Variants in PRR14L observed in about 807,000 individuals in gnomAD.
PRR14L encodes proline rich 14 like.
PRR14L carries 80 observed loss-of-function variants against 155.0 expected under a neutral mutation model. That is an observed-to-expected ratio of 0.52 (90% CI 0.43 to 0.62). The LOEUF (loss-of-function observed/expected upper bound fraction) is 0.62, where lower values mean the gene tolerates loss of function less well. Ranked by LOEUF, PRR14L falls within the 20% of genes least tolerant of loss-of-function variation. The pLI is 0.00. For missense variants in PRR14L, 2,469 were observed against 2,548.0 expected (o/e 0.97, Z 0.67); for synonymous variants, 883 against 916.0 (o/e 0.96, Z 0.65).
chr22:31,728,545 G>A lies in PRR14L; in HGVS notation c.475-2935C>T, dbSNP rs552482588. ...GGAGAATGGCTTGAACCCAGGAGGCGGAGGTTGCAGTGAGCGGAGATCGCG... is the reference window on the plus strand; with the variant it reads ...GGAGAATGGCTTGAACCCAGGAGGCAGAGGTTGCAGTGAGCGGAGATCGCG... On this transcript the variant is annotated intron_variant, in intron 2 of 8. Coordinates refer to ENST00000327423, the MANE Select transcript of PRR14L (RefSeq NM_173566.3). 9.9e-5 allele frequency among the ~76,000 whole-genome samples: 15 copies of A among 151,616 alleles called. No individual in the cohort carries two copies. In the South Asian group the frequency reaches 2.1e-3, roughly 21 times the overall value.
intron 3 of PRR14L, among the ~76,000 whole-genome samples, chr22:31,724,460 G>A (rs907950972): frequency 6.6e-6 from 1 of 152,170 alleles, no homozygotes; most frequent in African/African-American, 2.4e-5. Context: ...GAGTACAGTG[G>A]TGTGATCACG....
chr22:31,730,819 T>C (rs2074745231), intron 2 of PRR14L, among the ~76,000 whole-genome samples: 1 of 152,244 alleles, frequency 6.6e-6, no homozygotes, highest in Admixed American at 6.5e-5. Flanking sequence ...ATTGGAATTC[T>C]GTAAGACCTT....
At chr22:31,733,416 C>T (rs1160401426) in intron 2 of PRR14L, among the ~76,000 whole-genome samples, 10 of 100,832 alleles carry the variant, frequency 9.9e-5, no homozygotes, top group Non-Finnish European at 1.6e-4. Context: ...GCGATTCTCC[C>T]GCCTCAGCCT....
rs552615151 is a variant in PRR14L at position 31,715,623 on chromosome 22, C to A, written c.2216G>T (p.Ser739Ile). ...NCPTLNIKPVSLERKKEMADS... is the reference protein window; with the variant it reads ...NCPTLNIKPVILERKKEMADS... ...AGCCATTTCCTTTTTTCTCTCTAGG[C>A]TTACTGGTTTGATGTTTAAGGTGGG... The change falls in exon 4 of 9, where the codon AGC (serine) becomes ATC (isoleucine). Residue 739 changes from serine (S) to isoleucine (I), a missense_variant. Physicochemically the swap from Ser to Ile is moderately radical, Grantham distance 142 (BLOSUM62 -2). This residue lies in a region of PRR14L where 2,363 missense variants were observed against 2,371.6 expected (regional missense o/e 1.00). Coordinates refer to ENST00000327423, the MANE Select transcript of PRR14L (RefSeq NM_173566.3). 2 of 1,552,066 alleles carry A rather than the reference C, an allele frequency of 1.3e-6. No individual in the cohort carries two copies. Among genetic ancestry groups the A allele is most frequent in the Admixed American group, 2.0e-5 (1 of 50,998 alleles).
intron 2 of PRR14L, among the ~76,000 whole-genome samples, chr22:31,736,257 A>T (rs1431846167): frequency 6.6e-6 from 1 of 151,382 alleles, no homozygotes; most frequent in Non-Finnish European, 1.5e-5. Context: ...GTGGAGGCAC[A>T]TGCCTGTAAT....
intron 7 of PRR14L, among the ~76,000 whole-genome samples, chr22:31,699,332 C>T (rs2074551551): frequency 6.6e-6 from 1 of 152,224 alleles, no homozygotes; most frequent in African/African-American, 2.4e-5. Context: ...GCCACTGCTC[C>T]TGGCCTCATG....
chr22:31,719,614 T>C (rs976211250), intron 3 of PRR14L, among the ~76,000 whole-genome samples: 1 of 152,140 alleles, frequency 6.6e-6, no homozygotes, highest in Non-Finnish European at 1.5e-5. Context: ...ACAAATGTTA[T>C]TAATACCAAG....
chr22:31,708,817 G>A (rs886182011), intron 4 of PRR14L, among the ~76,000 whole-genome samples: 12 of 151,906 alleles, frequency 7.9e-5, no homozygotes, highest in African/African-American at 2.2e-4. Flanking sequence ...GTAGAGATGG[G>A]ATTTATTTTT....
chr22:31,742,521 C>T (rs1343559738), intron 1 of PRR14L, among the ~76,000 whole-genome samples: 1 of 152,112 alleles, frequency 6.6e-6, no homozygotes, highest in Non-Finnish European at 1.5e-5. Context: ...CACATGCCAT[C>T]ACGCGTGGCT....
At chr22:31,718,748 C>T (rs916781557) in intron 3 of PRR14L, among the ~76,000 whole-genome samples, 1 of 148,698 alleles carries the variant, frequency 6.7e-6, no homozygotes, top group Non-Finnish European at 1.5e-5. Context: ...AACAGGACAA[C>T]TGTATTAAAC....
In PRR14L at chr22:31,749,743, A is replaced by C. The variant is rs531110342; in HGVS notation, c.-52+250T>G. ...GGGGATCCCTGTTGTATCGAGGTTG[A>C]AGAGGAGTCTCTCTCCCGCGTCGGA... On this transcript the variant is annotated intron_variant, in intron 1 of 8. Transcript: ENST00000327423. 3.0e-3 allele frequency among the ~76,000 whole-genome samples: 459 copies of C among 152,290 alleles called. 5 individuals carry two copies. Among genetic ancestry groups the C allele is most frequent in the Non-Finnish European group, 4.7e-3 (322 of 68,002 alleles).
intron 4 of PRR14L, among the ~76,000 whole-genome samples, chr22:31,709,503 C>T (rs556265665): frequency 3.3e-5 from 5 of 149,598 alleles, no homozygotes; most frequent in African/African-American, 1.2e-4. Flanking sequence ...GGATTACACA[C>T]GTGAGCTACT....
At chr22:31,741,586 G>C (rs187183347) in intron 1 of PRR14L, among the ~76,000 whole-genome samples, 56 of 152,248 alleles carry the variant, frequency 3.7e-4, no homozygotes, top group Non-Finnish European at 7.4e-4. Context: ...AAACAGTGCT[G>C]TAAGGCTGGG....
chr22:31,713,840 C>CA lies in PRR14L; in HGVS notation c.3998dup (p.Lys1334GlufsTer23). The CA allele has an allele frequency of 6.4e-7, 1 of 1,552,292 alleles. No individual in the cohort carries two copies. The highest frequency in any genetic ancestry group is 8.7e-7 in the Non-Finnish European group (1 of 1,147,106). ...GATGCTCTTCGGTTTCTTCTCCTTTCACTTTAATATCTGTTTTCACTGTCA... is the reference window on the plus strand; with the variant it reads ...GATGCTCTTCGGTTTCTTCTCCTTTCAACTTTAATATCTGTTTTCACTGTCA... On this transcript the variant is annotated frameshift_variant, in exon 4 of 9. Coordinates refer to ENST00000327423, the MANE Select transcript of PRR14L (RefSeq NM_173566.3). LOFTEE classifies it high-confidence loss of function.
intron 3 of PRR14L, among the ~76,000 whole-genome samples, chr22:31,722,647 C>T (rs912691628): frequency 6.6e-6 from 1 of 151,734 alleles, no homozygotes; most frequent in African/African-American, 2.4e-5. Flanking sequence ...CTCAGCCTCC[C>T]AAGTAGCTGG....
intron 8 of PRR14L, among the ~76,000 whole-genome samples, chr22:31,687,305 G>A (rs942987407): frequency 1.3e-5 from 2 of 150,992 alleles, no homozygotes; most frequent in African/African-American, 4.9e-5. Context: ...CAAAGTGCTT[G>A]AATTACAGGT....
chr22:31,711,243 T>C (rs567990355), intron 4 of PRR14L, among the ~76,000 whole-genome samples: 71 of 152,116 alleles, frequency 4.7e-4, no homozygotes, highest in Admixed American at 1.0e-3. Flanking sequence ...GGAGCCAAGG[T>C]GAGAGGATCA....
intron 1 of PRR14L, among the ~76,000 whole-genome samples, chr22:31,744,748 C>G (rs1324808828): frequency 1.3e-5 from 2 of 152,210 alleles, no homozygotes; most frequent in Non-Finnish European, 2.9e-5. Context: ...TCATTTCCAT[C>G]CCCACAGTTC....
intron 3 of PRR14L, among the ~76,000 whole-genome samples, chr22:31,718,350 G>A (rs185467030): frequency 6.6e-6 from 1 of 151,774 alleles, no homozygotes; most frequent in Non-Finnish European, 1.5e-5. Context: ...CCGCCTCCCG[G>A]GTTCATGCCA....
Sources: gnomAD v4.1 joint callset for allele counts (sites outside exome capture counted in the v4.1 genomes callset) on GRCh38, gnomAD v4.1.1 for gene constraint, gnomAD v4.1.1 regional missense constraint, MANE v1.5 for transcripts, NCBI Gene and HGNC (gene_info 2026-07-23, HGNC 2026-07-21) for gene names.